The following USH2A variants were observed in gnomAD, a reference collection of about 807,000 sequenced individuals.
USH2A encodes the protein Usher syndrome 2A (autosomal recessive, mild).
In USH2A, 443 loss-of-function variants were observed where a neutral mutation model predicts 538.9. The ratio of observed to expected loss-of-function variants is 0.82; its 90% CI spans 0.76 to 0.89. The LOEUF is 0.89. Among genes scored for constraint, USH2A ranks in the 40% least tolerant of loss-of-function variants. USH2A has a pLI of 0.00. For missense variants in USH2A, 6,633 were observed against 6,324.8 expected, an observed-to-expected ratio of 1.05 and a Z score of -1.65; for synonymous variants, 2,413 against 2,273.5, an observed-to-expected ratio of 1.06 and a Z score of -1.75.
intron 43 of USH2A, among the ~76,000 whole-genome samples, chr1:215,868,762 G>A (rs1664548645): frequency 1.3e-5 from 2 of 152,208 alleles, no homozygotes; most frequent in South Asian, 2.1e-4. Flanking sequence ...ACACAGGGAG[G>A]TGATGGCCAT....
chr1:215,722,680 G>T (rs1442658881), intron 61 of USH2A, among the ~76,000 whole-genome samples: 1 of 152,068 alleles, frequency 6.6e-6, no homozygotes, highest in Admixed American at 6.6e-5. Context: ...TCCCAGATTG[G>T]AAGCCAATTT....
chr1:216,202,719 T>C (rs1435223633), intron 16 of USH2A, among the ~76,000 whole-genome samples: 1 of 152,204 alleles, frequency 6.6e-6, no homozygotes. Context: ...GATTGCTGAA[T>C]ATACCTTATT....
chr1:216,398,648 T>C (rs959372638), intron 3 of USH2A, among the ~76,000 whole-genome samples: 7 of 151,974 alleles, frequency 4.6e-5, no homozygotes, highest in Admixed American at 3.9e-4. Flanking sequence ...CACCCCACCC[T>C]CTCACCCAAC....
At chr1:215,661,725 C>T (rs1333629027) in intron 64 of USH2A, among the ~76,000 whole-genome samples, 3 of 152,050 alleles carry the variant, frequency 2.0e-5, no homozygotes, top group Non-Finnish European at 4.4e-5. Flanking sequence ...AGAAATGGTG[C>T]CCCTTCATGT....
intron 3 of USH2A, among the ~76,000 whole-genome samples, chr1:216,389,782 C>A (rs372334579): frequency 6.6e-6 from 1 of 152,190 alleles, no homozygotes; most frequent in East Asian, 1.9e-4. Context: ...TGCAATCTTG[C>A]CTCAAACACA....
At chr1:216,149,298 AC>A (rs1307246448) in intron 21 of USH2A, among the ~76,000 whole-genome samples, 21 of 152,272 alleles carry the variant, frequency 1.4e-4, no homozygotes, top group Admixed American at 1.2e-3. Flanking sequence ...CTTCTGTCAG[AC>A]ATAATTCCCC....
intron 47 of USH2A, among the ~76,000 whole-genome samples, chr1:215,834,761 T>A (rs1260706785): frequency 6.6e-6 from 1 of 151,948 alleles, no homozygotes; most frequent in Non-Finnish European, 1.5e-5. Context: ...TCTGGGATAC[T>A]TTCTTGTCTT....
In USH2A at chr1:216,059,055, G is replaced by A. The variant is rs188512363; in HGVS notation, c.6050-10408C>T. On this transcript the variant is annotated intron_variant, in intron 30 of 71. Coordinates refer to ENST00000307340, the MANE Select transcript of USH2A (RefSeq NM_206933.4). ...TGAATAGAAAAAAAAATTTCACGGC[G>A]TTGAATTACAGTCATTTCTCTGCAG... 5.6e-4 allele frequency among the ~76,000 whole-genome samples: 85 copies of A among 152,060 alleles called. 1 individual carries two copies. Among genetic ancestry groups the A allele is most frequent in the African/African-American group, 1.4e-3 (59 of 41,480 alleles).
At chr1:216,079,408 G>A (rs944696283) in intron 26 of USH2A, among the ~76,000 whole-genome samples, 3 of 152,078 alleles carry the variant, frequency 2.0e-5, no homozygotes, top group Non-Finnish European at 4.4e-5. Context: ...TTTGCTCCCT[G>A]GAAATTGGGA....
chr1:216,052,812 A>C (rs1345541073), intron 30 of USH2A, among the ~76,000 whole-genome samples: 1 of 152,184 alleles, frequency 6.6e-6, no homozygotes, highest in Non-Finnish European at 1.5e-5. Flanking sequence ...GGATGGATTC[A>C]AGTTGAAAAG....
chr1:215,694,446 A>G (rs762630590), intron 61 of USH2A, among the ~76,000 whole-genome samples: 13 of 152,164 alleles, frequency 8.5e-5, no homozygotes, highest in Admixed American at 5.9e-4. Flanking sequence ...GGTTGCGGGC[A>G]CCTGTAGTCC....
chr1:215,709,318 C>G (rs980947755), intron 61 of USH2A, among the ~76,000 whole-genome samples: 1 of 152,060 alleles, frequency 6.6e-6, no homozygotes, highest in Non-Finnish European at 1.5e-5. Flanking sequence ...TACTATTTAA[C>G]TAGTACATAT....
chr1:215,700,385 C>A (rs1167779671), intron 61 of USH2A, among the ~76,000 whole-genome samples: 4 of 152,110 alleles, frequency 2.6e-5, no homozygotes. Flanking sequence ...AGAAATTGTA[C>A]CAGCTCCTCT....
chr1:215,640,649 G>T lies in USH2A; in HGVS notation c.14877C>A (p.Gly4959=), dbSNP rs1459541018. The T allele has an allele frequency of 6.2e-7, 1 of 1,613,848 alleles. No homozygotes were observed. The highest frequency in any genetic ancestry group is 8.5e-7 in the Non-Finnish European group (1 of 1,179,962). ...CGGTTAACACGTACTCCTTCAGTTG[G>T]CCGTTCAGGAGGAAGGTGTCACTCC... ...VNWSDTFLLN[G]QLKEYVLTDG... is the part of the protein sequence containing the mutation. The change falls in exon 68 of 72, where the codon GGC becomes GGA. Residue 4959 remains glycine, a synonymous_variant. Transcript: ENST00000307340.
intron 4 of USH2A, among the ~76,000 whole-genome samples, chr1:216,349,786 T>C (rs2038244533): frequency 6.6e-6 from 1 of 152,222 alleles, no homozygotes; most frequent in Non-Finnish European, 1.5e-5. Context: ...TTGGGGCTGC[T>C]CTGCCTATGG....
intron 3 of USH2A, among the ~76,000 whole-genome samples, chr1:216,388,197 G>C (rs988851027): frequency 6.6e-6 from 1 of 152,146 alleles, no homozygotes; most frequent in Non-Finnish European, 1.5e-5. Flanking sequence ...TGTAAGACAA[G>C]AGCATCTGTC....
At chr1:215,901,077 GTTCAT>G (rs1665486451) in intron 38 of USH2A, 172 bp from the exon 39 acceptor site, 1 of 807,512 alleles carries the variant, frequency 1.2e-6, no homozygotes, top group South Asian at 1.6e-5. Context: ...CTTCCTTATT[GTTCAT>G]TTCAACACAA....
chr1:216,256,757 T>G (rs1246074858), intron 11 of USH2A, among the ~76,000 whole-genome samples: 1 of 152,056 alleles, frequency 6.6e-6, no homozygotes, highest in Non-Finnish European at 1.5e-5. Context: ...TCTAGATTAC[T>G]TTATGGTAAG....
intron 32 of USH2A, among the ~76,000 whole-genome samples, chr1:216,006,071 T>G (rs1668383896): frequency 6.6e-6 from 1 of 152,148 alleles, no homozygotes; most frequent in South Asian, 2.1e-4. Context: ...TCAATCATAA[T>G]CCCTTTTTGG....
Sources: gnomAD v4.1 joint callset for allele counts (sites outside exome capture counted in the v4.1 genomes callset) on GRCh38, gnomAD v4.1.1 for gene constraint, MANE v1.5 for transcripts, NCBI Gene and HGNC (gene_info 2026-07-23, HGNC 2026-07-21) for gene names.